Variants in AK9 observed in about 807,000 individuals in gnomAD.
AK9 encodes the protein adenylate kinase domain containing 1.
In AK9, 191 loss-of-function variants were observed where a neutral mutation model predicts 239.6. That is an observed-to-expected ratio of 0.80 (90% CI 0.71 to 0.90). The LOEUF (loss-of-function observed/expected upper bound fraction) is 0.90. Ranked by LOEUF, AK9 falls within the 40% of genes least tolerant of loss-of-function variation. The pLI, the probability that AK9 is intolerant of heterozygous loss-of-function variation, is 0.00. For missense variants in AK9, 1,995 were observed against 2,214.7 expected, an observed-to-expected ratio of 0.90 and a Z score of 1.99; for synonymous variants, 689 against 721.0, an observed-to-expected ratio of 0.96 and a Z score of 0.71.
intron 8 of AK9, among the ~76,000 whole-genome samples, chr6:109,647,749 T>G (rs534695180): frequency 1.3e-5 from 2 of 151,922 alleles, no homozygotes; most frequent in Admixed American, 6.6e-5. Context: ...CTAATAGACA[T>G]CTACAGAACT....
intron 24 of AK9, among the ~76,000 whole-genome samples, chr6:109,559,328 T>C (rs6917999): frequency 0.58 from 88,395 of 151,880 alleles, 27,416 homozygotes; most frequent in South Asian, 0.84. Context: ...CCACCTCGCC[T>C]GGCTAATTTT....
chr6:109,498,209 C>T (rs966844181), intron 36 of AK9, among the ~76,000 whole-genome samples: 6 of 152,190 alleles, frequency 3.9e-5, no homozygotes, highest in Admixed American at 2.0e-4. Flanking sequence ...ACACTTGTTG[C>T]GCTCCTACTA....
At chr6:109,601,062 G>A (rs1791880906) in intron 17 of AK9, among the ~76,000 whole-genome samples, 1 of 151,990 alleles carries the variant, frequency 6.6e-6, no homozygotes, top group Admixed American at 6.6e-5. Context: ...AGGGTTTTTT[G>A]TGTCTCTATC....
At chr6:109,627,884 A>G (rs531370687) in intron 12 of AK9, among the ~76,000 whole-genome samples, 1 of 152,308 alleles carries the variant, frequency 6.6e-6, no homozygotes, top group East Asian at 1.9e-4. Flanking sequence ...TCTTGGCTTC[A>G]AGTTAACTGC....
chr6:109,528,977 AC>A, intron 29 of AK9, 33 bp downstream of exon 29: 2 of 1,557,874 alleles, frequency 1.3e-6, no homozygotes, highest in African/African-American at 1.4e-5. Flanking sequence ...ACAGAGTGAG[AC>A]CCTGTTTTGA....
chr6:109,521,844 T>C (rs1044346524), intron 29 of AK9, among the ~76,000 whole-genome samples: 3 of 152,038 alleles, frequency 2.0e-5, no homozygotes, highest in Admixed American at 6.6e-5. Flanking sequence ...ATTTGAATAA[T>C]ACTCTTATTG....
chr6:109,497,773 C>A, intron 37 of AK9, 23 bp downstream of exon 37: 3 of 1,604,756 alleles, frequency 1.9e-6, no homozygotes, highest in South Asian at 2.2e-5. Flanking sequence ...TCATTCTATA[C>A]TTCCATGAAG....
At chr6:109,503,889 C>T (rs1256039690) in intron 35 of AK9, among the ~76,000 whole-genome samples, 1 of 152,164 alleles carries the variant, frequency 6.6e-6, no homozygotes, top group African/African-American at 2.4e-5. Context: ...AAAGCCTGGA[C>T]CCTCCCCCCA....
intron 12 of AK9, among the ~76,000 whole-genome samples, 181 bp from the exon 13 acceptor site, chr6:109,619,417 T>C (rs997956476): frequency 2.0e-5 from 3 of 152,126 alleles, no homozygotes; most frequent in Admixed American, 6.6e-5. Context: ...CTTGCTTTAA[T>C]AGAAATTCAG....
intron 8 of AK9, among the ~76,000 whole-genome samples, chr6:109,646,873 A>G (rs960368534): frequency 7.2e-5 from 11 of 152,274 alleles, no homozygotes; most frequent in Non-Finnish European, 1.5e-4. Context: ...GAAGCCCATC[A>G]GACTAACAGT....
chr6:109,571,866 A>C (rs973772979), intron 21 of AK9, among the ~76,000 whole-genome samples: 7 of 152,172 alleles, frequency 4.6e-5, no homozygotes, highest in African/African-American at 1.4e-4. Flanking sequence ...AATTGACAAA[A>C]CTTATTTTTC....
In AK9 at chr6:109,516,012, C is replaced by G. The variant is rs766622607; in HGVS notation, c.3910G>C (p.Val1304Leu). The G allele has an allele frequency of 3.2e-6, 5 of 1,551,136 alleles. No individual in the cohort carries two copies. The East Asian group carries it at 9.8e-5, about 30-fold the overall frequency. ...AGTTTCATATTCAATGTATATTGTA[C>G]AATGTGATTTCTCCGAGCTCCATTA... ...SINGARRNHI[V>L]QYTLNMKLKP... is the part of the protein sequence containing the mutation. Residue 1304 changes from valine (V) to leucine (L), a missense_variant, in exon 31 of 41, where the codon GTA (valine) becomes CTA (leucine). Coordinates refer to ENST00000424296, the MANE Select transcript of AK9 (RefSeq NM_001145128.3).
At chr6:109,551,918 T>C (rs1017682104) in intron 24 of AK9, among the ~76,000 whole-genome samples, 2 of 152,136 alleles carry the variant, frequency 1.3e-5, no homozygotes, top group Admixed American at 1.3e-4. Context: ...TATTCCCCTC[T>C]TGGTGTCCAT....
At chr6:109,552,626 G>A (rs1189971544) in intron 24 of AK9, among the ~76,000 whole-genome samples, 2 of 152,154 alleles carry the variant, frequency 1.3e-5, no homozygotes, top group Admixed American at 6.5e-5. Flanking sequence ...TGGGTAGATT[G>A]CAAAAATTTT....
At chr6:109,504,944 G>C (rs892893056) in intron 35 of AK9, among the ~76,000 whole-genome samples, 2 of 152,202 alleles carry the variant, frequency 1.3e-5, no homozygotes, top group African/African-American at 4.8e-5. Context: ...CTAAGACAGG[G>C]AGGCTGAAAT....
chr6:109,603,429 G>T (rs7757153), intron 17 of AK9, among the ~76,000 whole-genome samples: 4 of 152,156 alleles, frequency 2.6e-5, no homozygotes, highest in East Asian at 1.9e-4. Context: ...TTGTTCCTCT[G>T]GAAGCTTCGT....
chr6:109,606,023 G>A (rs945549727), intron 17 of AK9, among the ~76,000 whole-genome samples: 2 of 151,970 alleles, frequency 1.3e-5, no homozygotes, highest in East Asian at 3.9e-4. Flanking sequence ...GTCCAGTCTA[G>A]TATCACCAGA....
chr6:109,689,183 A>G (rs1011856499), intron 1 of AK9, among the ~76,000 whole-genome samples: 3 of 152,154 alleles, frequency 2.0e-5, no homozygotes, highest in Non-Finnish European at 4.4e-5. Context: ...AGCTTGTCCC[A>G]TTAATCTTTT....
At chr6:109,587,896 C>T (rs1789718613) in intron 17 of AK9, among the ~76,000 whole-genome samples, 1 of 152,190 alleles carries the variant, frequency 6.6e-6, no homozygotes, top group Non-Finnish European at 1.5e-5. Flanking sequence ...TACCAATTTA[C>T]ATTCCCATTA....
Sources: gnomAD v4.1 joint callset for allele counts (sites outside exome capture counted in the v4.1 genomes callset) on GRCh38, gnomAD v4.1.1 for gene constraint, MANE v1.5 for transcripts, NCBI Gene and HGNC (gene_info 2026-07-23, HGNC 2026-07-21) for gene names.